Variants in GPATCH8 observed in about 807,000 individuals in gnomAD.
GPATCH8 encodes G-patch domain containing 8.
Under a neutral mutation model 118.3 loss-of-function variants are expected in GPATCH8, and 18 were observed. That is an observed-to-expected ratio of 0.15 (90% CI 0.11 to 0.23). The LOEUF (loss-of-function observed/expected upper bound fraction) is 0.23, where lower values mean the gene tolerates loss of function less well. GPATCH8 is among the 10% of genes least tolerant of loss of function. The pLI, the probability that GPATCH8 is intolerant of heterozygous loss-of-function variation, is 1.00. For synonymous variants in GPATCH8, 659 were observed against 684.7 expected, an observed-to-expected ratio of 0.96 and a Z score of 0.59; for missense variants, 1,631 against 1,873.8, an observed-to-expected ratio of 0.87 and a Z score of 2.39.
At chr17:44,414,069 A>ATATATATGTGTGTG (rs2049557779) in intron 6 of GPATCH8, among the ~76,000 whole-genome samples, 1 of 146,874 alleles carries the variant, frequency 6.8e-6, no homozygotes, top group African/African-American at 2.5e-5. Context: ...ATATATATAT[A>ATATATATGTGTGTG]TATATATATA....
chr17:44,478,253 A>G (rs2144397792), intron 1 of GPATCH8, among the ~76,000 whole-genome samples: 1 of 152,352 alleles, frequency 6.6e-6, no homozygotes, highest in East Asian at 1.9e-4. Flanking sequence ...ACTAAATAAT[A>G]AATATCCAAA....
At chr17:44,436,905 T>G in intron 3 of GPATCH8, 1 of 244,124 alleles carries the variant, frequency 4.1e-6, no homozygotes, top group African/African-American at 2.2e-5. Context: ...CACTTTACTC[T>G]GCCCACTGAT....
chr17:44,502,996 G>A (rs115260200), intron 1 of GPATCH8, among the ~76,000 whole-genome samples: 1,858 of 152,298 alleles, frequency 0.012, 32 homozygotes, highest in African/African-American at 0.037. Context: ...CTTGTCCCCT[G>A]GGAGCCAGCC....
At chr17:44,492,592 A>G (rs1445031594) in intron 1 of GPATCH8, among the ~76,000 whole-genome samples, 1 of 151,920 alleles carries the variant, frequency 6.6e-6, no homozygotes, top group Non-Finnish European at 1.5e-5. Flanking sequence ...AAAACTAAGG[A>G]CAAAAAAAAA....
intron 5 of GPATCH8, among the ~76,000 whole-genome samples, chr17:44,428,550 C>G (rs2050173135): frequency 6.6e-6 from 1 of 151,110 alleles, no homozygotes; most frequent in South Asian, 2.1e-4. Flanking sequence ...CACCTGTAAT[C>G]CCAGCACTTT....
At chr17:44,429,038 G>C (rs1256138468) in intron 5 of GPATCH8, among the ~76,000 whole-genome samples, 1 of 152,112 alleles carries the variant, frequency 6.6e-6, no homozygotes, top group Non-Finnish European at 1.5e-5. Context: ...CTACTCGGGA[G>C]GCTGAGGCAG....
chr17:44,436,454 T>G (rs1046857461), intron 4 of GPATCH8, 24 bp downstream of exon 4: 8 of 996,658 alleles, frequency 8.0e-6, no homozygotes, highest in Non-Finnish European at 1.3e-5. Context: ...TCACAAAACT[T>G]ATGAGTTAAT....
Position 44,397,929 on chromosome 17 carries a change from T to A in GPATCH8, c.4148A>T (p.His1383Leu). The change falls in exon 8 of 8, where the codon CAT (histidine) becomes CTT (leucine). Residue 1383 changes from histidine (H) to leucine (L), a missense_variant. Coordinates refer to ENST00000591680, the MANE Select transcript of GPATCH8 (RefSeq NM_001002909.4). ...TTVQHAILQH[H>L]AAAAAAAIGI... ...GATGGCGGCAGCAGCTGCGGCAGCA[T>A]GATGTTGTAGGATGGCATGCTGAAC... 1 of 1,613,168 alleles carries A rather than the reference T, an allele frequency of 6.2e-7. No individual in the cohort carries two copies. Among genetic ancestry groups the A allele is most frequent in the Non-Finnish European group, 8.5e-7 (1 of 1,179,326 alleles).
chr17:44,472,527 T>C (rs1460446819), intron 2 of GPATCH8, among the ~76,000 whole-genome samples: 2 of 152,202 alleles, frequency 1.3e-5, no homozygotes, highest in Non-Finnish European at 2.9e-5. Context: ...TAATGAATAC[T>C]AGGTTGCAAA....
intron 1 of GPATCH8, among the ~76,000 whole-genome samples, chr17:44,502,030 C>T (rs748764745): frequency 5.3e-5 from 8 of 152,100 alleles, no homozygotes; most frequent in Admixed American, 2.0e-4. Context: ...TCCTGAGACT[C>T]TCCTGTATTG....
At chr17:44,422,436 T>C (rs572569672) in intron 6 of GPATCH8, among the ~76,000 whole-genome samples, 1 of 152,210 alleles carries the variant, frequency 6.6e-6, no homozygotes, top group Non-Finnish European at 1.5e-5. Context: ...GTGATCCTCC[T>C]GCCCTGGCTT....
rs1007650951 is a variant in GPATCH8 at position 44,397,018 on chromosome 17, G to C, written c.*550C>G. 8.8e-6 allele frequency: 4 copies of C among 454,024 alleles called. No individual in the cohort carries two copies. The highest frequency in any genetic ancestry group is 1.8e-5 in the Non-Finnish European group (4 of 226,768). The allele number at this position is 454,024 out of a possible 1,614,324, so 28.1% of individuals were successfully genotyped here. A position where few individuals can be genotyped will look rare whatever the true frequency, so the allele number is the denominator to read the frequency against. On this transcript the variant is annotated 3_prime_UTR_variant, in exon 8 of 8. Coordinates refer to ENST00000591680, the MANE Select transcript of GPATCH8 (RefSeq NM_001002909.4). ...CAGCCTGAGTTATATCAGGTTCCAGGTGAGACGCTTTCCACCTCACCTGGG... is the reference window on the plus strand; with the variant it reads ...CAGCCTGAGTTATATCAGGTTCCAGCTGAGACGCTTTCCACCTCACCTGGG...
At chr17:44,500,795 G>T (rs1427906339) in intron 1 of GPATCH8, among the ~76,000 whole-genome samples, 1 of 152,204 alleles carries the variant, frequency 6.6e-6, no homozygotes, top group Non-Finnish European at 1.5e-5. Context: ...AGTATAGTCA[G>T]TGGCTTCACC....
intron 3 of GPATCH8, among the ~76,000 whole-genome samples, chr17:44,451,087 T>TA (rs1032906797): frequency 1.7e-4 from 26 of 152,172 alleles, no homozygotes; most frequent in African/African-American, 6.0e-4. Context: ...TATTCACTCT[T>TA]AAAGACTTAG....
chr17:44,422,758 G>A (rs1484924010), intron 6 of GPATCH8, among the ~76,000 whole-genome samples: 1 of 151,498 alleles, frequency 6.6e-6, no homozygotes, highest in African/African-American at 2.4e-5. Context: ...GATTACAAGC[G>A]TGAGCCACCG....
At chr17:44,461,907 CT>C (rs2051567640) in intron 3 of GPATCH8, among the ~76,000 whole-genome samples, 3 of 151,866 alleles carry the variant, frequency 2.0e-5, no homozygotes, top group Admixed American at 2.0e-4. Flanking sequence ...TCTATGTTGC[CT>C]AGGCTGGTCT....
chr17:44,408,432 C>T (rs143905877), intron 6 of GPATCH8, among the ~76,000 whole-genome samples: 2 of 152,244 alleles, frequency 1.3e-5, no homozygotes, highest in African/African-American at 4.8e-5. Flanking sequence ...GGTGATCCGC[C>T]CGCCTCGGCT....
chr17:44,497,151 C>T (rs778080763), intron 1 of GPATCH8, among the ~76,000 whole-genome samples: 8 of 152,122 alleles, frequency 5.3e-5, no homozygotes, highest in Non-Finnish European at 1.0e-4. Flanking sequence ...ATAGAACTCA[C>T]GAACTGGAAT....
chr17:44,440,503 G>A (rs1285491522), intron 3 of GPATCH8, among the ~76,000 whole-genome samples: 1 of 152,150 alleles, frequency 6.6e-6, no homozygotes, highest in African/African-American at 2.4e-5. Flanking sequence ...CACCTTTCAG[G>A]CTCAAGTGAT....
Sources: gnomAD v4.1 joint callset for allele counts (sites outside exome capture counted in the v4.1 genomes callset) on GRCh38, gnomAD v4.1.1 for gene constraint, MANE v1.5 for transcripts, NCBI Gene and HGNC (gene_info 2026-07-23, HGNC 2026-07-21) for gene names.